Variants in DPEP1 observed in about 807,000 individuals in gnomAD.
DPEP1 encodes the protein beta-lactamase.
DPEP1 carries 50 observed loss-of-function variants against 42.3 expected under a neutral mutation model. That is an observed-to-expected ratio of 1.18 (90% confidence interval 0.94 to 1.50). DPEP1 has a LOEUF of 1.50. Ranked by LOEUF, DPEP1 falls within the 40% of genes most tolerant of loss-of-function variation. The probability of loss-of-function intolerance (pLI) is 0.00; values close to 1 mark genes in which losing one functional copy is unlikely to be tolerated. For missense variants in DPEP1, 663 were observed against 553.0 expected (o/e 1.20, Z -1.99); for synonymous variants, 297 against 234.0 (o/e 1.27, Z -2.46).
intron 1 of DPEP1, among the ~76,000 whole-genome samples, chr16:89,615,333 GT>G: frequency 6.6e-6 from 1 of 152,306 alleles, no homozygotes; most frequent in East Asian, 1.9e-4. Flanking sequence ...CTCCCACTGG[GT>G]ACAGAGCGGG....
intron 1 of DPEP1, among the ~76,000 whole-genome samples, chr16:89,627,902 C>A (rs1307755193): frequency 1.3e-5 from 2 of 151,548 alleles, no homozygotes; most frequent in African/African-American, 4.8e-5. Flanking sequence ...TCGTGATCCT[C>A]CTGCCTTGGC....
rs76320770 is a variant in DPEP1, at chr16:89,622,496, C to T, written c.-106-7809C>T. Among the ~76,000 whole-genome samples the T allele has an allele frequency of 0.024, 3,652 of 152,256 alleles. 608 individuals are homozygous for T. In the East Asian group the frequency reaches 0.47, roughly 20 times the overall value. ...GAGGAAAGGAATTAGAAAAGAATAACGCACTCGGGCCGGGCGCAGTGGCTC... is the reference window on the plus strand; with the variant it reads ...GAGGAAAGGAATTAGAAAAGAATAATGCACTCGGGCCGGGCGCAGTGGCTC... On this transcript the variant is annotated intron_variant, in intron 1 of 10. Coordinates refer to ENST00000690203, the MANE Select transcript of DPEP1 (RefSeq NM_001389466.1).
intron 1 of DPEP1, among the ~76,000 whole-genome samples, chr16:89,627,758 T>G (rs2059534591): frequency 7.2e-6 from 1 of 139,452 alleles, no homozygotes; most frequent in Non-Finnish European, 1.5e-5. Flanking sequence ...CCTCCCTGGT[T>G]CAAGTGATTC....
intron 1 of DPEP1, among the ~76,000 whole-genome samples, chr16:89,618,928 C>T (rs1456344960): frequency 7.2e-6 from 1 of 138,220 alleles, no homozygotes; most frequent in Non-Finnish European, 1.6e-5. Flanking sequence ...TGCTCCCTCC[C>T]TGCAGCTCCC....
chr16:89,638,057 C>A lies in DPEP1; in HGVS notation c.1071C>A (p.Ser357Arg), dbSNP rs1200189881. The change falls in exon 11 of 11, where the codon AGC becomes AGA. Residue 357 changes from serine to arginine, a missense_variant. Transcript: ENST00000690203. ...LRVFEAVEQA[S>R]NLTQAPEEEP... The stretch of plus-strand genomic sequence containing the variant: ...CCGTGTCTGTCTGTCCCCAGGCCAG[C>A]AACCTCACACAGGCTCCCGAGGAGG... 4.3e-6 allele frequency: 7 copies of A among 1,612,106 alleles called. No individual in the cohort carries two copies. The East Asian group carries it at 1.6e-4, about 36-fold the overall frequency.
At chr16:89,626,408 T>G (rs959133386) in intron 1 of DPEP1, 1 of 152,210 alleles carries the variant, frequency 6.6e-6, no homozygotes, top group East Asian at 1.9e-4. Flanking sequence ...TGGAGTGCAG[T>G]GGCACAATCT....
intron 1 of DPEP1, among the ~76,000 whole-genome samples, chr16:89,615,229 G>T (rs1038092709): frequency 2.0e-5 from 3 of 152,240 alleles, no homozygotes; most frequent in Admixed American, 6.5e-5. Flanking sequence ...GCTTCAGGGG[G>T]ACGTAGGCTG....
intron 2 of DPEP1, among the ~76,000 whole-genome samples, chr16:89,631,659 C>G (rs2059590571): frequency 6.6e-6 from 1 of 152,188 alleles, no homozygotes; most frequent in African/African-American, 2.4e-5. Context: ...AGCTCAAGAC[C>G]AGCCTGGCCA....
At position 89,627,184 on chromosome 16, in the gene DPEP1, A is replaced by G. The variant is rs184546205; in HGVS notation, c.-106-3121A>G. 5.3e-3 allele frequency among the ~76,000 whole-genome samples: 798 copies of G among 151,140 alleles called. 12 individuals carry two copies. Among genetic ancestry groups the G allele is most frequent in the African/African-American group, 0.019 (768 of 41,142 alleles). Reference sequence around the variant, plus strand: ...GCTTCTCTGGAGACTGAGGCAGGAGAATGGCATGAACCCGGGAGGCAGAGC... The same window carrying G: ...GCTTCTCTGGAGACTGAGGCAGGAGGATGGCATGAACCCGGGAGGCAGAGC... On this transcript the variant is annotated intron_variant, in intron 1 of 10. Coordinates refer to ENST00000690203, the MANE Select transcript of DPEP1 (RefSeq NM_001389466.1).
chr16:89,635,268 C>A (rs564207599), intron 2 of DPEP1, among the ~76,000 whole-genome samples: 2 of 151,776 alleles, frequency 1.3e-5, no homozygotes, highest in South Asian at 4.1e-4. Flanking sequence ...TCACCACCAC[C>A]AGCTCCTGGG....
chr16:89,632,291 G>T (rs1367415659), intron 2 of DPEP1, among the ~76,000 whole-genome samples: 1 of 152,136 alleles, frequency 6.6e-6, no homozygotes, highest in Non-Finnish European at 1.5e-5. Flanking sequence ...GACCTCAGGT[G>T]ATCCGCCCGC....
At chr16:89,622,980 G>C (rs1489861064) in intron 1 of DPEP1, among the ~76,000 whole-genome samples, 1 of 152,042 alleles carries the variant, frequency 6.6e-6, no homozygotes, top group African/African-American at 2.4e-5. Flanking sequence ...GACGTTGCAG[G>C]CACGATGGGC....
chr16:89,621,657 C>G (rs2059447613), intron 1 of DPEP1, among the ~76,000 whole-genome samples: 2 of 152,224 alleles, frequency 1.3e-5, no homozygotes, highest in African/African-American at 4.8e-5. Flanking sequence ...GGCTCCCGTC[C>G]CTCGCACATG....
intron 5 of DPEP1, 78 bp downstream of exon 5, chr16:89,636,761 C>T (rs1464130241): frequency 1.2e-6 from 2 of 1,601,110 alleles, no homozygotes; most frequent in Non-Finnish European, 1.7e-6. Context: ...CCCTCCAGAG[C>T]CCATCCCCTC....
At chr16:89,615,326 C>G (rs1344468208) in intron 1 of DPEP1, among the ~76,000 whole-genome samples, 1 of 152,176 alleles carries the variant, frequency 6.6e-6, no homozygotes, top group Non-Finnish European at 1.5e-5. Context: ...CTCCCAGCTC[C>G]CACTGGGTAC....
chr16:89,633,563 G>A (rs2059616857), intron 2 of DPEP1, among the ~76,000 whole-genome samples: 1 of 152,150 alleles, frequency 6.6e-6, no homozygotes, highest in Admixed American at 6.5e-5. Context: ...AGAGCCCGCA[G>A]CTGGAAATGA....
chr16:89,639,935 A>G (rs1458005492), downstream of DPEP1, among the ~76,000 whole-genome samples: 1 of 151,984 alleles, frequency 6.6e-6, no homozygotes, highest in African/African-American at 2.4e-5. Context: ...TCAGCCTCCC[A>G]AAGTGCTGGG....
Position 89,637,385 on chromosome 16 carries a change from G to C in DPEP1, c.768+5G>C, listed in dbSNP as rs751955479. The C allele has an allele frequency of 1.2e-6, 2 of 1,612,214 alleles. No individual in the cohort carries two copies. Among genetic ancestry groups the C allele is most frequent in the South Asian group, 2.2e-5 (2 of 91,074 alleles). On this transcript the variant is annotated splice_donor_5th_base_variant and intron_variant, in intron 7 of 10. Transcript: ENST00000690203. The stretch of plus-strand genomic sequence containing the variant: ...GACGACGTCCTGAGGCTGGTGGTGA[G>C]GGCCGAGGGGGCGACCTCCACCCCG...
downstream of DPEP1, among the ~76,000 whole-genome samples, chr16:89,641,062 T>C (rs1286307733): frequency 2.0e-5 from 3 of 152,216 alleles, no homozygotes; most frequent in Non-Finnish European, 4.4e-5. Context: ...CGCCATTATT[T>C]CTTCTATGCA....
Sources: allele counts gnomAD v4.1 joint callset (sites outside exome capture counted in the v4.1 genomes callset), GRCh38; gene constraint gnomAD v4.1.1; transcripts MANE v1.5; gene names NCBI Gene and HGNC (gene_info 2026-07-23, HGNC 2026-07-21).